Variants in YEATS2 observed in about 807,000 individuals in gnomAD.
YEATS2 encodes the protein YEATS domain containing 2, also known as YEATS domain-containing protein 2.
A neutral mutation model predicts 163.2 loss-of-function variants in YEATS2; 77 were observed. The ratio of observed to expected loss-of-function variants is 0.47; its 90% CI spans 0.39 to 0.57. YEATS2 has a LOEUF of 0.57. Ranked by LOEUF, YEATS2 falls within the 20% of genes least tolerant of loss-of-function variation. YEATS2 has a pLI of 0.00. For synonymous variants in YEATS2, 631 were observed against 645.1 expected (o/e 0.98, Z 0.33); for missense variants, 1,549 against 1,729.8 (o/e 0.90, Z 1.85).
intron 25 of YEATS2, 121 bp downstream of exon 25, chr3:183,801,649 T>G (rs1474558598): frequency 1.4e-6 from 1 of 730,694 alleles, no homozygotes; most frequent in African/African-American, 1.8e-5. Flanking sequence ...CCTTATAAGG[T>G]TTCAGCTAGA....
At chr3:183,716,105 A>T (rs368950354) in intron 2 of YEATS2, among the ~76,000 whole-genome samples, 5 of 151,658 alleles carry the variant, frequency 3.3e-5, no homozygotes, top group Non-Finnish European at 5.9e-5. Context: ...GACTACAGGC[A>T]CCCGCCACCA....
chr3:183,738,391 CTTTTTT>C (rs1173865612), intron 8 of YEATS2, among the ~76,000 whole-genome samples: 85 of 74,046 alleles, frequency 1.1e-3, no homozygotes, highest in African/African-American at 3.4e-3. Flanking sequence ...AGGAAAAGTT[CTTTTTT>C]TTTTTTTTTT....
intron 1 of YEATS2, among the ~76,000 whole-genome samples, chr3:183,708,514 A>G (rs1439800477): frequency 6.6e-6 from 1 of 152,114 alleles, no homozygotes; most frequent in East Asian, 1.9e-4. Context: ...GGTTTTTATT[A>G]TACAATTTTC....
In YEATS2 at chr3:183,736,594, C is replaced by T. The variant is rs551524087; in HGVS notation, c.813-124C>T. 5.1e-4 allele frequency: 347 copies of T among 676,416 alleles called. 1 individual carries two copies. In the South Asian group the frequency reaches 5.2e-3, roughly 10 times the overall value. The allele number at this position is 676,416 out of a possible 1,614,324, so 41.9% of individuals were successfully genotyped here. ...TTCGGCATGTTGATTTAGTTTTAAACGAGGAAATCTAAATGATTCTCAGAA... is the reference window on the plus strand; with the variant it reads ...TTCGGCATGTTGATTTAGTTTTAAATGAGGAAATCTAAATGATTCTCAGAA... On this transcript the variant is annotated intron_variant, in intron 7 of 30. Transcript: ENST00000305135.
intron 17 of YEATS2, among the ~76,000 whole-genome samples, chr3:183,775,003 A>G (rs1401539451): frequency 6.6e-6 from 1 of 152,222 alleles, no homozygotes; most frequent in Non-Finnish European, 1.5e-5. Flanking sequence ...ATGAAGGTGG[A>G]GAAGGAAATT....
rs748292451 is a variant in YEATS2 at position 183,736,794 on chromosome 3, C to A, written c.889C>A (p.Gln297Lys). 1.8e-5 allele frequency: 29 copies of A among 1,613,690 alleles called. No individual in the cohort carries two copies. The highest frequency in any genetic ancestry group is 2.1e-5 in the Non-Finnish European group (25 of 1,179,908). ...AGTTCAAGTTCATTTTAAGGACAGC[C>A]AGAACAAGCGGATAGATATCATACA... ...VRVQVHFKDS[Q>K]NKRIDIIHNL... Residue 297 changes from glutamine (Q) to lysine (K), a missense_variant, in exon 8 of 31, where the codon CAG (glutamine) becomes AAG (lysine). Gln to Lys is a moderately conservative substitution (Grantham distance 53). Transcript: ENST00000305135.
intron 19 of YEATS2, among the ~76,000 whole-genome samples, chr3:183,779,798 A>C (rs941622294): frequency 6.6e-6 from 1 of 151,952 alleles, no homozygotes; most frequent in Non-Finnish European, 1.5e-5. Flanking sequence ...CCTGGGTTCA[A>C]GCAATTCTCC....
chr3:183,803,941 G>A (rs377468826), intron 26 of YEATS2, 46 bp from the exon 27 acceptor site: 16 of 1,596,488 alleles, frequency 1.0e-5, no homozygotes, highest in Non-Finnish European at 2.6e-6. Context: ...GTTGTGTTAA[G>A]TGGAAGGATT....
intron 13 of YEATS2, among the ~76,000 whole-genome samples, 159 bp downstream of exon 13, chr3:183,759,124 G>A (rs1404129337): frequency 6.6e-6 from 1 of 152,188 alleles, no homozygotes; most frequent in African/African-American, 2.4e-5. Context: ...AGGGTACTGC[G>A]GTTACAGGCA....
At chr3:183,760,766 A>G (rs1045645604) in intron 13 of YEATS2, among the ~76,000 whole-genome samples, 3 of 152,212 alleles carry the variant, frequency 2.0e-5, no homozygotes, top group Non-Finnish European at 4.4e-5. Context: ...AAATTTTGCA[A>G]ATCAGTTGTG....
chr3:183,759,001 T>G, intron 13 of YEATS2, 36 bp downstream of exon 13: 13 of 1,280,270 alleles, frequency 1.0e-5, no homozygotes, highest in African/African-American at 3.1e-5. Context: ...CTTTGCTAGC[T>G]TCTTTTTCTT....
chr3:183,758,870 A>G lies in YEATS2; in HGVS notation c.1561A>G (p.Thr521Ala). ...TGTGCCTTGCTTATCAGGAAGTCCT[A>G]CAAACAAGATCTCCACGGCTTCTCA... is the stretch of plus-strand genomic sequence containing the variant. The part of the protein sequence containing the change: ...GATTPSTGSP[T>A]NKISTASQVS... The change falls in exon 13 of 31, where the codon ACA becomes GCA. Residue 521 changes from threonine (T) to alanine (A), a missense_variant. Physicochemically the swap from Thr to Ala is moderately conservative, Grantham distance 58 (BLOSUM62 0). Coordinates refer to ENST00000305135, the MANE Select transcript of YEATS2 (RefSeq NM_018023.5). 1 of 1,588,918 alleles carries G rather than the reference A, an allele frequency of 6.3e-7. No individual in the cohort carries two copies. The highest frequency in any genetic ancestry group is 8.5e-7 in the Non-Finnish European group (1 of 1,170,392).
intron 10 of YEATS2, among the ~76,000 whole-genome samples, chr3:183,753,090 G>A (rs1216939720): frequency 6.6e-6 from 1 of 151,998 alleles, no homozygotes; most frequent in Non-Finnish European, 1.5e-5. Context: ...GACCCACCAC[G>A]CCTGGCCTAA....
At chr3:183,793,043 G>A in intron 21 of YEATS2, 2 of 997,432 alleles carry the variant, frequency 2.0e-6, no homozygotes, top group Non-Finnish European at 2.7e-6. Context: ...AGATACTTCT[G>A]TAAAATATAA....
At chr3:183,804,260 G>A in intron 27 of YEATS2, 72 bp downstream of exon 27, 1 of 1,571,174 alleles carries the variant, frequency 6.4e-7, no homozygotes, top group South Asian at 1.1e-5. Flanking sequence ...GAGAGATGAG[G>A]ACTTGGAAGA....
chr3:183,791,610 G>A (rs1724661246), intron 21 of YEATS2, among the ~76,000 whole-genome samples: 2 of 152,106 alleles, frequency 1.3e-5, no homozygotes, highest in Middle Eastern at 3.2e-3. Context: ...TTTCCTTAAA[G>A]TACTAATTTC....
chr3:183,803,944 G>A (rs1257686741), intron 26 of YEATS2, 43 bp from the exon 27 acceptor site: 2 of 1,599,130 alleles, frequency 1.3e-6, no homozygotes, highest in South Asian at 1.1e-5. Flanking sequence ...GTGTTAAGTG[G>A]AAGGATTTGA....
chr3:183,770,522 C>A (rs933177196), intron 15 of YEATS2, among the ~76,000 whole-genome samples: 1 of 152,116 alleles, frequency 6.6e-6, no homozygotes, highest in African/African-American at 2.4e-5. Context: ...ATTAAGTAAT[C>A]AATACCCCCA....
intron 1 of YEATS2, among the ~76,000 whole-genome samples, chr3:183,711,817 T>G (rs939693711): frequency 4.6e-5 from 7 of 151,498 alleles, no homozygotes; most frequent in Non-Finnish European, 1.0e-4. Context: ...ATAGTGTGTT[T>G]TTTTTTTTTC....
Sources: gnomAD v4.1 joint callset for allele counts (sites outside exome capture counted in the v4.1 genomes callset) on GRCh38, gnomAD v4.1.1 for gene constraint, MANE v1.5 for transcripts, NCBI Gene and HGNC (gene_info 2026-07-23, HGNC 2026-07-21) for gene names.